The following EXOC4 variants were observed in gnomAD, a reference collection of about 807,000 sequenced individuals.
EXOC4 encodes exocyst complex component 4, also known as SEC8-like 1.
Under a neutral mutation model 107.2 loss-of-function variants are expected in EXOC4, and 71 were observed. The observed-to-expected ratio is 0.66, with a 90% CI of 0.55 to 0.81. The LOEUF is 0.81. Ranked by LOEUF, EXOC4 falls within the 30% of genes least tolerant of loss-of-function variation. The pLI is 0.00. For missense variants in EXOC4, 1,108 were observed against 1,189.6 expected (o/e 0.93, Z 1.01); for synonymous variants, 456 against 441.2 (o/e 1.03, Z -0.42).
At chr7:133,550,103 C>G (rs1007228895) in intron 9 of EXOC4, among the ~76,000 whole-genome samples, 1 of 151,986 alleles carries the variant, frequency 6.6e-6, no homozygotes, top group Non-Finnish European at 1.5e-5. Flanking sequence ...GTTACAAAGC[C>G]CTTGTTGCCT....
At chr7:133,331,999 C>T (rs1795406177) in intron 5 of EXOC4, among the ~76,000 whole-genome samples, 1 of 152,128 alleles carries the variant, frequency 6.6e-6, no homozygotes. Context: ...TGGAGAAAAG[C>T]CAATAATTGT....
At chr7:133,673,043 C>G (rs1793981975) in intron 10 of EXOC4, among the ~76,000 whole-genome samples, 1 of 152,148 alleles carries the variant, frequency 6.6e-6, no homozygotes, top group African/African-American at 2.4e-5. Context: ...AATGACTGAC[C>G]TCTTACTCAT....
intron 10 of EXOC4, among the ~76,000 whole-genome samples, chr7:133,641,284 G>A (rs966812210): frequency 3.3e-5 from 5 of 152,148 alleles, no homozygotes; most frequent in African/African-American, 7.2e-5. Context: ...CAAATGAATT[G>A]AAGGTAAAAG....
intron 9 of EXOC4, among the ~76,000 whole-genome samples, chr7:133,554,799 TGAG>T (rs1800661585): frequency 6.6e-6 from 1 of 152,202 alleles, no homozygotes; most frequent in African/African-American, 2.4e-5. Flanking sequence ...AACTAGACTG[TGAG>T]ATCCTTATGG....
At chr7:133,859,243 T>C (rs1022619049) in intron 11 of EXOC4, among the ~76,000 whole-genome samples, 1 of 152,196 alleles carries the variant, frequency 6.6e-6, no homozygotes, top group Non-Finnish European at 1.5e-5. Context: ...CACCTGGCTC[T>C]CTGATAAGCT....
chr7:133,710,251 C>G (rs13246174), intron 10 of EXOC4, among the ~76,000 whole-genome samples: 6 of 151,806 alleles, frequency 4.0e-5, no homozygotes, highest in Admixed American at 3.9e-4. Context: ...ATGTGCCATC[C>G]GGAGTCTTCC....
At chr7:133,921,818 A>G (rs967411707) in intron 13 of EXOC4, among the ~76,000 whole-genome samples, 2 of 152,030 alleles carry the variant, frequency 1.3e-5, no homozygotes, top group African/African-American at 4.8e-5. Flanking sequence ...TATTCCCATT[A>G]TGCATATGTT....
chr7:133,367,632 C>T (rs745593), intron 6 of EXOC4, among the ~76,000 whole-genome samples: 45,466 of 151,942 alleles, frequency 0.3, 7,663 homozygotes, highest in African/African-American at 0.46. Context: ...AAATACTTTC[C>T]CTGTTTTCTA....
At chr7:134,082,136 TG>T in the EXOC4 span, among the ~76,000 whole-genome samples, 1 of 152,036 alleles carries the variant, frequency 6.6e-6, no homozygotes, top group Non-Finnish European at 1.5e-5. Context: ...AATAAAATAA[TG>T]GCTACTCCAT....
chr7:133,917,798 A>G, intron 13 of EXOC4, 60 bp downstream of exon 13: 1 of 1,478,074 alleles, frequency 6.8e-7, no homozygotes, highest in South Asian at 1.4e-5. Context: ...CTGTTTAGCT[A>G]ATATTTTTTT....
chr7:133,337,885 G>C (rs1031707281), intron 5 of EXOC4, among the ~76,000 whole-genome samples: 4 of 151,784 alleles, frequency 2.6e-5, no homozygotes, highest in Non-Finnish European at 5.9e-5. Context: ...ACCTGCCTTG[G>C]CTTCCCAAAG....
chr7:133,934,603 CTTAA>C (rs1377052084), intron 13 of EXOC4, among the ~76,000 whole-genome samples: 2 of 152,094 alleles, frequency 1.3e-5, no homozygotes, highest in Non-Finnish European at 2.9e-5. Context: ...ATACATTTGT[CTTAA>C]TTGTCGCATT....
intron 10 of EXOC4, among the ~76,000 whole-genome samples, chr7:133,649,091 A>G (rs1803068174): frequency 6.6e-6 from 1 of 152,064 alleles, no homozygotes; most frequent in African/African-American, 2.4e-5. Context: ...TTAGTTGAGC[A>G]TTTTCTTGAG....
At chr7:133,674,921 G>A (rs1794023264) in intron 10 of EXOC4, among the ~76,000 whole-genome samples, 1 of 152,144 alleles carries the variant, frequency 6.6e-6, no homozygotes, top group Non-Finnish European at 1.5e-5. Context: ...CAGAATTACA[G>A]TGCTTAACAT....
chr7:133,984,533 C>G (rs1009401424), intron 14 of EXOC4, among the ~76,000 whole-genome samples: 3 of 152,136 alleles, frequency 2.0e-5, no homozygotes, highest in Admixed American at 2.0e-4. Flanking sequence ...TTATAAAACT[C>G]TTTGATTTGT....
chr7:133,623,472 A>G (rs1297859679), intron 9 of EXOC4, among the ~76,000 whole-genome samples: 1 of 152,212 alleles, frequency 6.6e-6, no homozygotes, highest in Non-Finnish European at 1.5e-5. Context: ...GTTTGTGCAT[A>G]TGTTCATTCA....
At chr7:134,083,979 C>G in the EXOC4 span, among the ~76,000 whole-genome samples, 25 of 152,332 alleles carry the variant, frequency 1.6e-4, no homozygotes, top group Admixed American at 3.3e-4. Flanking sequence ...GTCAAAATCT[C>G]TCCACTTCTT....
the EXOC4 span, among the ~76,000 whole-genome samples, chr7:134,073,339 G>A: frequency 6.6e-6 from 1 of 151,474 alleles, no homozygotes; most frequent in Admixed American, 6.6e-5. Flanking sequence ...CATAGAAACT[G>A]GACGTTCTGA....
At chr7:133,738,912 A>G (rs1332183993) in intron 10 of EXOC4, among the ~76,000 whole-genome samples, 1 of 152,182 alleles carries the variant, frequency 6.6e-6, no homozygotes, top group East Asian at 1.9e-4. Context: ...TATATAGAAT[A>G]CACTTATAAA....
Sources: gnomAD v4.1 joint callset for allele counts (sites outside exome capture counted in the v4.1 genomes callset) on GRCh38, gnomAD v4.1.1 for gene constraint, MANE v1.5 for transcripts, NCBI Gene and HGNC (gene_info 2026-07-23, HGNC 2026-07-21) for gene names.